The following PDLIM5 variants were observed in gnomAD, a reference collection of about 807,000 sequenced individuals.
PDLIM5 encodes PDZ and LIM domain 5, also known as PDZ and LIM domain protein 5.
Under a neutral mutation model 64.2 loss-of-function variants are expected in PDLIM5, and 34 were observed. That is an observed-to-expected ratio of 0.53 (90% confidence interval 0.40 to 0.71). The LOEUF is 0.71. Ranked by LOEUF, PDLIM5 falls within the 30% of genes least tolerant of loss-of-function variation. The pLI is 0.00. For missense variants in PDLIM5, 683 were observed against 733.6 expected (o/e 0.93, Z 0.80); for synonymous variants, 253 against 269.1 (o/e 0.94, Z 0.59).
intron 2 of PDLIM5, among the ~76,000 whole-genome samples, chr4:94,512,263 C>A (rs2110107326): frequency 6.6e-6 from 1 of 152,204 alleles, no homozygotes; most frequent in Non-Finnish European, 1.5e-5. Context: ...TCATGATCCG[C>A]CCGCCTCAGC....
Position 94,666,184 on chromosome 4 carries a change from C to A in PDLIM5, c.*2117C>A. 1.7e-6 allele frequency: 1 copy of A among 577,616 alleles called. No individual in the cohort carries two copies. Among genetic ancestry groups the A allele is most frequent in the Non-Finnish European group, 2.9e-6 (1 of 343,496 alleles). The allele number at this position is 577,616 out of a possible 1,614,324, so 35.8% of individuals were successfully genotyped here. A position where few individuals can be genotyped will look rare whatever the true frequency, so the allele number is the denominator to read the frequency against. ...TGTTTGTTATAGAGGAGGTTTTAGGCTACAATATTTGTTTAACCTCCCTAA... is the reference window on the plus strand; with the variant it reads ...TGTTTGTTATAGAGGAGGTTTTAGGATACAATATTTGTTTAACCTCCCTAA... On this transcript the variant is annotated 3_prime_UTR_variant, in exon 13 of 13. Coordinates refer to ENST00000317968, the MANE Select transcript of PDLIM5 (RefSeq NM_006457.5).
intron 9 of PDLIM5, among the ~76,000 whole-genome samples, 177 bp from the exon 10 acceptor site, chr4:94,654,283 C>T (rs1742050253): frequency 6.6e-6 from 1 of 152,198 alleles, no homozygotes; most frequent in Admixed American, 6.5e-5. Flanking sequence ...TTTCTTTTCA[C>T]ATCAATGCAG....
intron 2 of PDLIM5, among the ~76,000 whole-genome samples, chr4:94,493,898 A>G (rs1724530145): frequency 6.6e-6 from 1 of 152,102 alleles, no homozygotes; most frequent in Admixed American, 6.5e-5. Context: ...GACTACTTTC[A>G]TATCTTGCAG....
chr4:94,486,053 G>C (rs1036707542), intron 2 of PDLIM5, among the ~76,000 whole-genome samples: 2 of 152,044 alleles, frequency 1.3e-5, no homozygotes, highest in African/African-American at 4.8e-5. Context: ...AGATTCCTTA[G>C]ATGAATCCTA....
chr4:94,522,377 A>G (rs1479943712), intron 2 of PDLIM5, among the ~76,000 whole-genome samples: 2 of 151,932 alleles, frequency 1.3e-5, no homozygotes, highest in Non-Finnish European at 2.9e-5. Context: ...TTATCATTTT[A>G]TTTTTTATTT....
At chr4:94,455,678 T>C (rs1331294316) in intron 2 of PDLIM5, 4 of 1,024,702 alleles carry the variant, frequency 3.9e-6, no homozygotes, top group Non-Finnish European at 5.7e-6. Context: ...TGGGGAATTC[T>C]CTGAATCTTC....
intron 2 of PDLIM5, among the ~76,000 whole-genome samples, chr4:94,480,882 G>A (rs1725790938): frequency 6.6e-6 from 1 of 152,156 alleles, no homozygotes. Flanking sequence ...GATCGTATTA[G>A]TCCTTTTATA....
At position 94,455,823 on chromosome 4, in the gene PDLIM5, C is replaced by G. The variant is rs1421960798; in HGVS notation, c.96+439C>G. 5 of 1,481,718 alleles carry G rather than the reference C, an allele frequency of 3.4e-6. No homozygotes were observed. In the African/African-American group the frequency reaches 6.9e-5, roughly 21 times the overall value. The allele number at this position is 1,481,718 out of a possible 1,614,324, so 91.8% of individuals were successfully genotyped here. A position where few individuals can be genotyped will look rare whatever the true frequency, so the allele number is the denominator to read the frequency against. ...GTTTCGGAATTATTTCCTCAGCTCA[C>G]TTTCTGGTGGAGGTGATAGCCAACA... is the stretch of plus-strand genomic sequence containing the variant. On this transcript the variant is annotated intron_variant, in intron 2 of 12. Coordinates refer to ENST00000317968, the MANE Select transcript of PDLIM5 (RefSeq NM_006457.5).
At chr4:94,608,284 ATCATTAACC>A in intron 7 of PDLIM5, 1 of 628,672 alleles carries the variant, frequency 1.6e-6, no homozygotes. Context: ...CAGAACGGAC[ATCATTAACC>A]TATAGACAAG....
In PDLIM5 at chr4:94,570,356, T is replaced by C. The variant is rs912484731; in HGVS notation, c.249-2995T>C. Among the ~76,000 whole-genome samples, 9 of 152,316 alleles carry C rather than the reference T, an allele frequency of 5.9e-5. No individual in the cohort carries two copies. The East Asian group carries it at 1.7e-3, about 29-fold the overall frequency. On this transcript the variant is annotated intron_variant, in intron 3 of 12. Coordinates refer to ENST00000317968, the MANE Select transcript of PDLIM5 (RefSeq NM_006457.5). ...TTTCTCTCTGTAGGAAAAAAAGATG[T>C]ACGTATTAGTTCCTATAGTAAGATA... is the stretch of plus-strand genomic sequence containing the variant.
chr4:94,566,433 A>G (rs1481654858), intron 3 of PDLIM5, among the ~76,000 whole-genome samples: 1 of 152,162 alleles, frequency 6.6e-6, no homozygotes, highest in East Asian at 1.9e-4. Context: ...CTAATAGTAT[A>G]TAATCAGAAA....
At chr4:94,539,657 G>A (rs1419773547) in intron 3 of PDLIM5, among the ~76,000 whole-genome samples, 2 of 152,198 alleles carry the variant, frequency 1.3e-5, no homozygotes, top group Non-Finnish European at 2.9e-5. Flanking sequence ...GTAGCAACTG[G>A]AACAGAGAGA....
intron 5 of PDLIM5, among the ~76,000 whole-genome samples, chr4:94,577,581 C>CTTTTTTTTTTTTTTT (rs11349007): frequency 2.2e-4 from 24 of 106,814 alleles, no homozygotes; most frequent in Admixed American, 3.0e-4. Context: ...TGGTCGTAAT[C>CTTTTTTTTTTTTTTT]TTTTTTTTTT....
In PDLIM5 at chr4:94,550,794, A is replaced by T. The variant is rs1732740654; in HGVS notation, c.249-22557A>T. 2.6e-5 allele frequency among the ~76,000 whole-genome samples: 4 copies of T among 152,190 alleles called. No individual in the cohort carries two copies. The South Asian group carries it at 8.3e-4, about 31-fold the overall frequency. On this transcript the variant is annotated intron_variant, in intron 3 of 12. Transcript: ENST00000317968. ...GGTTTTATTTTTCATATTGAAAATT[A>T]CTTATCATAGAATTTTGTCATCTTC...
chr4:94,501,303 C>T (rs1309981590), intron 2 of PDLIM5, among the ~76,000 whole-genome samples: 1 of 152,062 alleles, frequency 6.6e-6, no homozygotes, highest in Non-Finnish European at 1.5e-5. Flanking sequence ...AGGCTGGGCT[C>T]AAACTCCTGA....
chr4:94,480,060 T>A (rs1448410138), intron 2 of PDLIM5, among the ~76,000 whole-genome samples: 1 of 152,242 alleles, frequency 6.6e-6, no homozygotes, highest in Non-Finnish European at 1.5e-5. Context: ...CAGCTGTCTT[T>A]TTTTATTCAA....
At chr4:94,553,117 A>G (rs933372776) in intron 3 of PDLIM5, among the ~76,000 whole-genome samples, 1 of 151,890 alleles carries the variant, frequency 6.6e-6, no homozygotes, top group South Asian at 2.1e-4. Flanking sequence ...TTAAATTATC[A>G]GTTTTATTAT....
At chr4:94,644,507 T>G (rs1741245653) in intron 9 of PDLIM5, among the ~76,000 whole-genome samples, 2 of 152,110 alleles carry the variant, frequency 1.3e-5, no homozygotes, top group African/African-American at 4.8e-5. Context: ...TATATTGAAC[T>G]TGATTGGTAT....
At chr4:94,608,347 T>C (rs1738095924) in intron 7 of PDLIM5, among the ~76,000 whole-genome samples, 1 of 152,248 alleles carries the variant, frequency 6.6e-6, no homozygotes, top group Non-Finnish European at 1.5e-5. Flanking sequence ...TCACTGCTTT[T>C]ATATTTTTAT....
Sources: gnomAD v4.1 joint callset for allele counts (sites outside exome capture counted in the v4.1 genomes callset) on GRCh38, gnomAD v4.1.1 for gene constraint, MANE v1.5 for transcripts, NCBI Gene and HGNC (gene_info 2026-07-23, HGNC 2026-07-21) for gene names.